Variants in CCR3 observed in about 807,000 individuals in gnomAD.
CCR3 encodes the protein C-C chemokine receptor type 3.
For missense variants in CCR3, 419 were observed against 437.5 expected (o/e 0.96, Z 0.38); for synonymous variants, 203 against 179.2 (o/e 1.13, Z -1.06).
rs1479208754 is a variant in CCR3 at position 46,265,507 on chromosome 3, T to C, written c.349T>C (p.Leu117=). Residue 117 remains leucine, a synonymous_variant, in exon 2 of 2, where the codon TTG becomes CTG. Coordinates refer to ENST00000395940, the MANE Select transcript of CCR3 (RefSeq NM_178329.3). ...CCTCTCAGGGTTTTATCACACAGGC[T>C]TGTACAGCGAGATCTTTTTCATAAT... is the stretch of plus-strand genomic sequence containing the variant. ...KLLSGFYHTG[L]YSEIFFIILL... 13 of 1,614,180 alleles carry C rather than the reference T, an allele frequency of 8.1e-6. No individual in the cohort carries two copies. Among genetic ancestry groups the C allele is most frequent in the Non-Finnish European group, 1.1e-5 (13 of 1,180,010 alleles).
intron 2 of CCR3, among the ~76,000 whole-genome samples, chr3:46,223,805 GC>G (rs1456418454): frequency 1.3e-5 from 2 of 152,194 alleles, no homozygotes; most frequent in Non-Finnish European, 2.9e-5. Context: ...CCCATGGCTT[GC>G]CTGAAACTTG....
chr3:46,255,841 C>T (rs922612022), intron 1 of CCR3, among the ~76,000 whole-genome samples: 13 of 151,924 alleles, frequency 8.6e-5, no homozygotes, highest in Non-Finnish European at 4.4e-5. Context: ...AACGTGATGC[C>T]TCCAGGTTTG....
At chr3:46,244,574 C>T (rs1015880313) in intron 1 of CCR3, among the ~76,000 whole-genome samples, 1 of 151,994 alleles carries the variant, frequency 6.6e-6, no homozygotes, top group South Asian at 2.1e-4. Context: ...GTGGGGGTCA[C>T]AAGGTGCTCA....
At chr3:46,242,787 A>C (rs1377696518) in intron 1 of CCR3, among the ~76,000 whole-genome samples, 3 of 151,662 alleles carry the variant, frequency 2.0e-5, no homozygotes, top group African/African-American at 7.3e-5. Context: ...GCACTCACCC[A>C]AACTTGGCCC....
intron 2 of CCR3, among the ~76,000 whole-genome samples, chr3:46,217,962 A>G (rs1016045596): frequency 6.6e-6 from 1 of 151,538 alleles, no homozygotes; most frequent in African/African-American, 2.4e-5. Context: ...AAATACAAAG[A>G]TCAGAGCAGA....
intron 2 of CCR3, among the ~76,000 whole-genome samples, chr3:46,214,823 A>C (rs1478696611): frequency 6.6e-6 from 1 of 152,144 alleles, no homozygotes; most frequent in Non-Finnish European, 1.5e-5. Context: ...TGAAGTGCTT[A>C]GCAGAAAGCA....
At chr3:46,248,533 T>A (rs996138581) in intron 1 of CCR3, among the ~76,000 whole-genome samples, 1 of 152,156 alleles carries the variant, frequency 6.6e-6, no homozygotes, top group South Asian at 2.1e-4. Context: ...TGTTGTTTTG[T>A]AAGGGATTGA....
chr3:46,265,416 C>G lies in CCR3; in HGVS notation c.258C>G (p.Thr86=), dbSNP rs1417412899. ...LAISDLLFLV[T]LPFWIHYVRG... is the part of the protein sequence containing the mutation. The stretch of plus-strand genomic sequence containing the variant: ...TTTCGGACCTGCTCTTCCTCGTCAC[C>G]CTTCCATTCTGGATCCACTATGTCA... The change falls in exon 2 of 2, where the codon ACC becomes ACG. Residue 86 remains threonine, a synonymous_variant. Transcript: ENST00000395940. 1 of 1,614,180 alleles carries G rather than the reference C, an allele frequency of 6.2e-7. No individual in the cohort carries two copies. The highest frequency in any genetic ancestry group is 1.7e-5 in the Admixed American group (1 of 60,030).
At chr3:46,226,516 C>G (rs1465853772) in intron 2 of CCR3, among the ~76,000 whole-genome samples, 1 of 152,126 alleles carries the variant, frequency 6.6e-6, no homozygotes, top group African/African-American at 2.4e-5. Context: ...ATGTGATTGA[C>G]TTTTGTTTCC....
chr3:46,224,179 A>C (rs1253727377), intron 2 of CCR3, among the ~76,000 whole-genome samples: 1 of 152,228 alleles, frequency 6.6e-6, no homozygotes, highest in South Asian at 2.1e-4. Flanking sequence ...TGTGCTCTGC[A>C]TCACTAATCA....
chr3:46,250,278 A>C (rs1321941739), intron 1 of CCR3, among the ~76,000 whole-genome samples: 4 of 152,106 alleles, frequency 2.6e-5, no homozygotes, highest in African/African-American at 9.7e-5. Flanking sequence ...AGGCGATAAA[A>C]AGATTACAGG....
At chr3:46,243,021 T>TA (rs1700123419) in intron 1 of CCR3, among the ~76,000 whole-genome samples, 3 of 63,422 alleles carry the variant, frequency 4.7e-5, no homozygotes, top group Non-Finnish European at 8.4e-5. Flanking sequence ...ACACATACAT[T>TA]TTTATATATA....
chr3:46,260,865 GT>G (rs1280545921), intron 1 of CCR3, among the ~76,000 whole-genome samples: 2 of 152,164 alleles, frequency 1.3e-5, no homozygotes, highest in Admixed American at 1.3e-4. Context: ...AAACTTTGTG[GT>G]TTTTAACAGA....
chr3:46,264,626 A>C (rs931085570), intron 1 of CCR3: 1 of 565,180 alleles, frequency 1.8e-6, no homozygotes, highest in African/African-American at 2.0e-5. Context: ...TTCCCCATTA[A>C]CTATAATGAA....
At chr3:46,250,797 A>G (rs1174341766) in intron 1 of CCR3, among the ~76,000 whole-genome samples, 1 of 151,344 alleles carries the variant, frequency 6.6e-6, no homozygotes, top group Non-Finnish European at 1.5e-5. Flanking sequence ...AGAGACATGG[A>G]GGGAAGGGGT....
rs1048002481 is a variant in CCR3, at chr3:46,247,447, G to A, written c.-12+4909G>A. On this transcript the variant is annotated intron_variant, in intron 1 of 1. Transcript: ENST00000395940. ...CTTCTGAGAAGGGAAAGTGGTGAAAGTATTGTCCAGTTCTTTTTAAGTTGG... is the reference window on the plus strand; with the variant it reads ...CTTCTGAGAAGGGAAAGTGGTGAAAATATTGTCCAGTTCTTTTTAAGTTGG... Among the ~76,000 whole-genome samples the A allele has an allele frequency of 6.2e-4, 94 of 152,268 alleles. 1 individual carries two copies. The highest frequency in any genetic ancestry group is 4.1e-4 in the South Asian group (2 of 4,822).
At chr3:46,257,579 A>G (rs1700453141) in intron 1 of CCR3, among the ~76,000 whole-genome samples, 1 of 152,056 alleles carries the variant, frequency 6.6e-6, no homozygotes, top group Admixed American at 6.6e-5. Flanking sequence ...CATCAATTTG[A>G]GAGTCCTTAA....
upstream of CCR3, among the ~76,000 whole-genome samples, chr3:46,240,156 T>C (rs923493211): frequency 1.3e-5 from 2 of 152,198 alleles, no homozygotes; most frequent in African/African-American, 4.8e-5. Flanking sequence ...GGAAGCCAGA[T>C]GCACCACAAT....
intron 2 of CCR3, among the ~76,000 whole-genome samples, chr3:46,213,924 C>G (rs1699745327): frequency 6.6e-6 from 1 of 152,124 alleles, no homozygotes; most frequent in African/African-American, 2.4e-5. Context: ...TTAAACACAC[C>G]CTCAATTCCT....
Sources: gnomAD v4.1 joint callset for allele counts (sites outside exome capture counted in the v4.1 genomes callset) on GRCh38, gnomAD v4.1.1 for gene constraint, MANE v1.5 for transcripts, NCBI Gene and HGNC (gene_info 2026-07-23, HGNC 2026-07-21) for gene names.